Variants in SLC18A2 observed in about 807,000 individuals in gnomAD.
The protein encoded by SLC18A2 is solute carrier family 18 member A2, also known as synaptic vesicular amine transporter.
A neutral mutation model predicts 59.2 loss-of-function variants in SLC18A2; 33 were observed. That is an observed-to-expected ratio of 0.56 (90% CI 0.42 to 0.75). SLC18A2 has a LOEUF of 0.75. SLC18A2 is among the 30% of genes least tolerant of loss of function. SLC18A2 has a pLI of 0.00. For synonymous variants in SLC18A2, 228 were observed against 253.5 expected (o/e 0.90, Z 0.95); for missense variants, 569 against 668.6 (o/e 0.85, Z 1.64).
Position 117,257,435 on chromosome 10 carries a change from G to A in SLC18A2, c.896-362G>A, listed in dbSNP as rs1844243286. Among the ~76,000 whole-genome samples the A allele has an allele frequency of 2.0e-5, 3 of 152,254 alleles. No individual in the cohort carries two copies. In the South Asian group the frequency reaches 6.2e-4, roughly 32 times the overall value. On this transcript the variant is annotated intron_variant, in intron 9 of 15. Coordinates refer to ENST00000644641, the MANE Select transcript of SLC18A2 (RefSeq NM_003054.6). ...GAGCCTCAGGCTGCCCCGAGACTGT[G>A]TGTGGTCTGGAAGTGGCCTGATTGC...
chr10:117,242,972 T>C (rs906168260), intron 2 of SLC18A2, among the ~76,000 whole-genome samples: 2 of 152,184 alleles, frequency 1.3e-5, no homozygotes, highest in Non-Finnish European at 2.9e-5. Flanking sequence ...CCTCAGGTGA[T>C]CTACCCGCCT....
At chr10:117,259,700 G>A (rs982651084) in intron 10 of SLC18A2, among the ~76,000 whole-genome samples, 3 of 152,344 alleles carry the variant, frequency 2.0e-5, no homozygotes, top group East Asian at 1.9e-4. Context: ...GGGTTGCTGT[G>A]GGGGAGGCCA....
intron 15 of SLC18A2, among the ~76,000 whole-genome samples, chr10:117,275,528 A>G (rs545546506): frequency 2.6e-5 from 4 of 152,336 alleles, no homozygotes; most frequent in Admixed American, 2.0e-4. Context: ...TTAGTTGCAC[A>G]TGACGCCCCC....
intron 6 of SLC18A2, among the ~76,000 whole-genome samples, chr10:117,255,069 T>TATAG (rs1844213275): frequency 6.6e-6 from 1 of 152,228 alleles, no homozygotes; most frequent in Admixed American, 6.5e-5. Context: ...GGGTGACCTT[T>TATAG]ATAGACTCCT....
rs1844390772 is a variant in SLC18A2, at chr10:117,269,137, AC to A, written c.1187-931del. Among the ~76,000 whole-genome samples the A allele has an allele frequency of 7.0e-6, 1 of 142,886 alleles. No individual in the cohort carries two copies. Among genetic ancestry groups the A allele is most frequent in the Non-Finnish European group, 1.5e-5 (1 of 65,270 alleles). The allele number at this position is 142,886 out of a possible 152,430, so 93.7% of individuals were successfully genotyped here. The stretch of plus-strand genomic sequence containing the variant: ...CGTAGATACACATACACATACAAAC[AC>A]CCACCCACATACATATGCACACATA... On this transcript the variant is annotated intron_variant, in intron 13 of 15. Coordinates refer to ENST00000644641, the MANE Select transcript of SLC18A2 (RefSeq NM_003054.6). This position sits in a 1 kb window ranked among gnomAD's most constrained non-coding sequence, Gnocchi z 5.1.
intron 15 of SLC18A2, among the ~76,000 whole-genome samples, chr10:117,276,391 C>G (rs963100818): frequency 1.3e-5 from 2 of 151,630 alleles, no homozygotes; most frequent in African/African-American, 4.8e-5. Flanking sequence ...GAGGGGGGAT[C>G]ACTTGAAGTC....
intron 3 of SLC18A2, among the ~76,000 whole-genome samples, chr10:117,253,056 T>C (rs574537589): frequency 6.7e-4 from 102 of 152,332 alleles, no homozygotes; most frequent in African/African-American, 2.2e-3. Flanking sequence ...GTGGCTCCTT[T>C]GGGAGAGCTT....
chr10:117,267,813 G>A, intron 13 of SLC18A2, 77 bp downstream of exon 13: 1 of 1,140,388 alleles, frequency 8.8e-7, no homozygotes, highest in East Asian at 2.4e-5. Flanking sequence ...CTGGTAGACT[G>A]TAGTTCCTCA....
In SLC18A2 at chr10:117,244,158, A is replaced by G; in HGVS notation, c.309A>G (p.Thr103=). ...ACCTGACACTTCATCAGACCGCCAC[A>G]CAGCACATGGTGACCAACGCGTCCG... ...TRDLTLHQTA[T]QHMVTNASAV... The change falls in exon 3 of 16, where the codon ACA becomes ACG. Residue 103 remains threonine (T), a synonymous_variant. Transcript: ENST00000644641. The G allele has an allele frequency of 6.2e-7, 1 of 1,614,172 alleles. No homozygotes were observed. The highest frequency in any genetic ancestry group is 1.1e-5 in the South Asian group (1 of 91,082).
chr10:117,253,769 C>T (rs996447473), intron 4 of SLC18A2, among the ~76,000 whole-genome samples: 1 of 152,180 alleles, frequency 6.6e-6, no homozygotes, highest in Non-Finnish European at 1.5e-5. Flanking sequence ...TCACTTGAAC[C>T]TGGAAGACGG....
chr10:117,264,444 C>G (rs898470595), intron 10 of SLC18A2, among the ~76,000 whole-genome samples: 1 of 152,156 alleles, frequency 6.6e-6, no homozygotes, highest in Non-Finnish European at 1.5e-5. Flanking sequence ...CCATTGCACT[C>G]CAGCCTGGGC....
chr10:117,272,584 A>T (rs1844439962), intron 15 of SLC18A2, among the ~76,000 whole-genome samples: 2 of 152,212 alleles, frequency 1.3e-5, no homozygotes, highest in African/African-American at 4.8e-5. Context: ...AAAAATGCTG[A>T]AGGAAGTGGA....
At position 117,277,383 on chromosome 10, in the gene SLC18A2, C is replaced by A; in HGVS notation, c.*117C>A. The A allele has an allele frequency of 1.8e-6, 1 of 559,104 alleles. No homozygotes were observed. The highest frequency in any genetic ancestry group is 3.0e-6 in the Non-Finnish European group (1 of 330,206). The allele number at this position is 559,104 out of a possible 1,614,324, so 34.6% of individuals were successfully genotyped here. ...TCCATCCCTGGTGAAAGAGTAAAAC[C>A]AAAGGTTATTATTTCCTTTCCATGG... On this transcript the variant is annotated 3_prime_UTR_variant, in exon 16 of 16. Transcript: ENST00000644641.
At chr10:117,258,014 T>G in intron 10 of SLC18A2, 122 bp downstream of exon 10, 2 of 625,126 alleles carry the variant, frequency 3.2e-6, no homozygotes, top group South Asian at 4.3e-5. Context: ...TCTGTTTGAC[T>G]CTTAATGGGG....
At chr10:117,270,014 G>A (rs973696322) in intron 13 of SLC18A2, 57 bp from the exon 14 acceptor site, 12 of 1,599,740 alleles carry the variant, frequency 7.5e-6, no homozygotes, top group South Asian at 1.1e-5. Context: ...CCTGATATTC[G>A]GCCCATTTTG....
intron 10 of SLC18A2, among the ~76,000 whole-genome samples, chr10:117,258,554 T>A (rs1199220358): frequency 8.2e-6 from 1 of 121,336 alleles, no homozygotes; most frequent in African/African-American, 3.0e-5. Context: ...GATTTACTTT[T>A]TAAAACTAAT....
At position 117,269,265 on chromosome 10, in the gene SLC18A2, A is replaced by G. The variant is rs1844394599; in HGVS notation, c.1187-806A>G. On this transcript the variant is annotated intron_variant, in intron 13 of 15. Coordinates refer to ENST00000644641, the MANE Select transcript of SLC18A2 (RefSeq NM_003054.6). The surrounding 1 kb of genome is among the most constrained non-coding windows in gnomAD (Gnocchi z 5.1). ...CACAAACACATATACACAGACACAT[A>G]CACATGCAAACACATGTACACACAT... is the stretch of plus-strand genomic sequence containing the variant. Among the ~76,000 whole-genome samples the G allele has an allele frequency of 6.6e-6, 1 of 152,116 alleles. No homozygotes were observed. Among genetic ancestry groups the G allele is most frequent in the African/African-American group, 2.4e-5 (1 of 41,396 alleles).
At chr10:117,276,613 C>CAAAAAAAAAAA (rs1161850365) in intron 15 of SLC18A2, among the ~76,000 whole-genome samples, 13 of 46,584 alleles carry the variant, frequency 2.8e-4, no homozygotes, top group Admixed American at 6.0e-4. Context: ...GACTTCATCT[C>CAAAAAAAAAAA]AAAAAAAAAA....
rs921618489 is a variant in SLC18A2 at position 117,278,176 on chromosome 10, T to C, written c.*910T>C. On this transcript the variant is annotated 3_prime_UTR_variant, in exon 16 of 16. Coordinates refer to ENST00000644641, the MANE Select transcript of SLC18A2 (RefSeq NM_003054.6). The stretch of plus-strand genomic sequence containing the variant: ...GAAGCTGAAAACAGCTGCTCTGACT[T>C]TAATATCTGACTATATCTTTGATCT... 3.3e-5 allele frequency: 5 copies of C among 152,210 alleles called. No homozygotes were observed. The highest frequency in any genetic ancestry group is 9.7e-5 in the African/African-American group (4 of 41,450). The allele number at this position is 152,210 out of a possible 1,614,324, so 9.4% of individuals were successfully genotyped here.
Sources: allele counts gnomAD v4.1 joint callset (sites outside exome capture counted in the v4.1 genomes callset), GRCh38; gene constraint gnomAD v4.1.1; non-coding constraint Gnocchi (gnomAD v3.1); transcripts MANE v1.5; gene names NCBI Gene and HGNC (gene_info 2026-07-23, HGNC 2026-07-21).